The following SMC2 variants were observed in gnomAD, a reference collection of about 807,000 sequenced individuals.
The protein encoded by SMC2 is structural maintenance of chromosomes protein 2.
SMC2 carries 41 observed loss-of-function variants against 142.6 expected under a neutral mutation model. The observed-to-expected ratio is 0.29, with a 90% CI of 0.22 to 0.37. The LOEUF is 0.37. Among genes scored for constraint, SMC2 ranks in the 10% least tolerant of loss-of-function variants. The pLI, the probability that SMC2 is intolerant of heterozygous loss-of-function variation, is 1.00. For synonymous variants in SMC2, 463 were observed against 457.5 expected, an observed-to-expected ratio of 1.01 and a Z score of -0.15; for missense variants, 1,265 against 1,373.7, an observed-to-expected ratio of 0.92 and a Z score of 1.25.
rs59023453 is a variant in SMC2 at position 104,138,177 on chromosome 9, G to GA, written c.3417+19dup. 3.0e-3 allele frequency: 4,741 copies of GA among 1,572,170 alleles called. 151 individuals are homozygous for GA. The African/African-American group carries it at 0.058, about 19-fold the overall frequency. On this transcript the variant is annotated intron_variant, in intron 24 of 24. Coordinates refer to ENST00000374793, the MANE Select transcript of SMC2 (RefSeq NM_006444.3). ...TCACACATTCTCAGGTAAGAACCAG[G>GA]AAAAAAAGTCTCAGTAATAGTTTAA...
chr9:104,115,565 A>G (rs1462014136), intron 13 of SMC2, among the ~76,000 whole-genome samples: 1 of 151,820 alleles, frequency 6.6e-6, no homozygotes, highest in African/African-American at 2.4e-5. Flanking sequence ...TGCCTGGGCA[A>G]CAGAGGAAGA....
chr9:104,115,391 G>A (rs541409316), intron 13 of SMC2, among the ~76,000 whole-genome samples: 67 of 151,970 alleles, frequency 4.4e-4, no homozygotes, highest in African/African-American at 1.4e-3. Flanking sequence ...CCTCAGCAAC[G>A]TGGCAAAACC....
At chr9:104,125,171 C>T in intron 18 of SMC2, 66 bp downstream of exon 18, 1 of 1,156,934 alleles carries the variant, frequency 8.6e-7, no homozygotes, top group Non-Finnish European at 1.2e-6. Flanking sequence ...GGTGGTAGAG[C>T]ATCATTGGTT....
chr9:104,133,965 A>G (rs975573871), intron 22 of SMC2, among the ~76,000 whole-genome samples: 1 of 152,146 alleles, frequency 6.6e-6, no homozygotes, highest in Non-Finnish European at 1.5e-5. Flanking sequence ...TTTTATTCCA[A>G]AAATACTTGT....
chr9:104,122,398 A>G (rs913771928), intron 16 of SMC2, among the ~76,000 whole-genome samples: 2 of 152,060 alleles, frequency 1.3e-5, no homozygotes, highest in Non-Finnish European at 2.9e-5. Context: ...AGTTAAAATT[A>G]TTGTTTTAAG....
intron 9 of SMC2, among the ~76,000 whole-genome samples, chr9:104,110,658 T>C (rs1832332351): frequency 6.6e-6 from 1 of 152,198 alleles, no homozygotes; most frequent in African/African-American, 2.4e-5. Flanking sequence ...ATGATGTGAC[T>C]CTTGGCTCCT....
intron 23 of SMC2, among the ~76,000 whole-genome samples, chr9:104,135,504 A>G (rs78949741): frequency 0.057 from 8,629 of 152,218 alleles, 655 homozygotes; most frequent in African/African-American, 0.18. Context: ...AGTTCCAAAA[A>G]GAGAGGAATA....
intron 2 of SMC2, 142 bp from the exon 3 acceptor site, chr9:104,096,006 G>T: frequency 1.5e-6 from 1 of 667,082 alleles, no homozygotes; most frequent in Non-Finnish European, 2.5e-6. Flanking sequence ...TGTTTTTCTT[G>T]CCAGAGGATG....
intron 13 of SMC2, among the ~76,000 whole-genome samples, chr9:104,115,311 A>T (rs971975981): frequency 6.6e-6 from 1 of 151,778 alleles, no homozygotes; most frequent in East Asian, 1.9e-4. Context: ...ATGGTGGCTC[A>T]CACCTGTAAT....
At chr9:104,115,389 A>G (rs1045944063) in intron 13 of SMC2, among the ~76,000 whole-genome samples, 1 of 152,078 alleles carries the variant, frequency 6.6e-6, no homozygotes, top group African/African-American at 2.4e-5. Context: ...AGCCTCAGCA[A>G]CGTGGCAAAA....
rs1587971260 is a variant in SMC2 at position 104,123,323 on chromosome 9, GAT to G, written c.2257+98_2257+99del. On this transcript the variant is annotated intron_variant, in intron 17 of 24. Coordinates refer to ENST00000374793, the MANE Select transcript of SMC2 (RefSeq NM_006444.3). ...TCTTCTCTACCTGTGCTATGTTTAA[GAT>G]ATATATGATAAAGTTTATTTAGGGA... 3.3e-5 allele frequency: 42 copies of G among 1,281,568 alleles called. No individual in the cohort carries two copies. The East Asian group carries it at 1.1e-3, about 34-fold the overall frequency. 79.4% of individuals were successfully genotyped at this position (1,281,568 alleles called of 1,614,324 possible).
chr9:104,102,342 G>A, intron 8 of SMC2, 82 bp from the exon 9 acceptor site: 1 of 1,323,046 alleles, frequency 7.6e-7, no homozygotes, highest in South Asian at 1.5e-5. Context: ...ATAAAAAAGT[G>A]TTTGATACAG....
At chr9:104,136,488 C>G (rs1835538931) in intron 23 of SMC2, among the ~76,000 whole-genome samples, 1 of 152,058 alleles carries the variant, frequency 6.6e-6, no homozygotes, top group Admixed American at 6.6e-5. Context: ...GTATGCTTCT[C>G]TTCTTACTGG....
intron 23 of SMC2, chr9:104,135,798 T>C: frequency 1.9e-6 from 1 of 517,776 alleles, no homozygotes; most frequent in Non-Finnish European, 3.9e-6. Context: ...GCTGAAAGTA[T>C]ATGTCAACTT....
rs946932816 is a variant in SMC2, at chr9:104,140,092, A to G, written c.*777A>G. 2 of 152,180 alleles carry G rather than the reference A, an allele frequency of 1.3e-5. No homozygotes were observed. The highest frequency in any genetic ancestry group is 4.8e-5 in the African/African-American group (2 of 41,534). 9.4% of individuals were successfully genotyped at this position (152,180 alleles called of 1,614,324 possible). ...CTGCAAATTTATCTGAAGTTTGTTAATATTTTCCAAGATTTTTGTCAGCCT... is the reference window on the plus strand; with the variant it reads ...CTGCAAATTTATCTGAAGTTTGTTAGTATTTTCCAAGATTTTTGTCAGCCT... On this transcript the variant is annotated 3_prime_UTR_variant, in exon 25 of 25. Coordinates refer to ENST00000374793, the MANE Select transcript of SMC2 (RefSeq NM_006444.3).
At chr9:104,132,238 A>T (rs1028167462) in intron 22 of SMC2, 113 bp downstream of exon 22, 3 of 648,514 alleles carry the variant, frequency 4.6e-6, no homozygotes, top group Non-Finnish European at 8.2e-6. Flanking sequence ...TGAGGCACAT[A>T]TTCACACCTT....
At chr9:104,137,356 A>G (rs1030352938) in intron 23 of SMC2, among the ~76,000 whole-genome samples, 1 of 152,170 alleles carries the variant, frequency 6.6e-6, no homozygotes, top group Admixed American at 6.5e-5. Context: ...GATTCTTCAT[A>G]CCAGATTAGA....
At chr9:104,134,634 T>G in intron 23 of SMC2, 59 bp downstream of exon 23, 3 of 1,201,750 alleles carry the variant, frequency 2.5e-6, no homozygotes, top group Non-Finnish European at 3.4e-6. Flanking sequence ...ATTCATCTCC[T>G]TACCTTAAAA....
intron 18 of SMC2, among the ~76,000 whole-genome samples, chr9:104,126,358 G>A (rs545608075): frequency 4.9e-4 from 75 of 152,064 alleles, no homozygotes; most frequent in African/African-American, 1.3e-3. Context: ...CATCTGTTAC[G>A]TAGAATGTTA....
Sources: gnomAD v4.1 joint callset for allele counts (sites outside exome capture counted in the v4.1 genomes callset) on GRCh38, gnomAD v4.1.1 for gene constraint, MANE v1.5 for transcripts, NCBI Gene and HGNC (gene_info 2026-07-23, HGNC 2026-07-21) for gene names.